HNRNPA1L2: variants seen among roughly 807,000 people sequenced by gnomAD.
The protein encoded by HNRNPA1L2 is heterogeneous nuclear ribonucleoprotein A1-like 2.
A neutral mutation model predicts 18.2 loss-of-function variants in HNRNPA1L2; 10 were observed. That is an observed-to-expected ratio of 0.55 (90% CI 0.34 to 0.93). The LOEUF (loss-of-function observed/expected upper bound fraction) is 0.93. Among genes scored for constraint, HNRNPA1L2 ranks in the 40% least tolerant of loss-of-function variants. The pLI is 0.02. For missense variants in HNRNPA1L2, 308 were observed against 394.4 expected (o/e 0.78, Z 1.85); for synonymous variants, 124 against 138.6 (o/e 0.89, Z 0.74).
the HNRNPA1L2 span, among the ~76,000 whole-genome samples, chr13:52,634,495 C>G: frequency 1.3e-5 from 2 of 152,168 alleles, no homozygotes; most frequent in African/African-American, 2.4e-5. Context: ...GCTATACTTG[C>G]ATGAGTCTAA....
the HNRNPA1L2 span, among the ~76,000 whole-genome samples, chr13:52,630,816 T>A: frequency 1.3e-5 from 2 of 152,210 alleles, no homozygotes; most frequent in Admixed American, 1.3e-4. Context: ...TGTTACATAT[T>A]ATTGAATAAA....
chr13:52,630,483 C>T, the HNRNPA1L2 span, among the ~76,000 whole-genome samples: 1 of 152,256 alleles, frequency 6.6e-6, no homozygotes, highest in East Asian at 1.9e-4. Flanking sequence ...CCATGTTGGC[C>T]AGGCTGGTAA....
At chr13:52,635,575 AACACACACACACACACACAC>A in the HNRNPA1L2 span, among the ~76,000 whole-genome samples, 539 of 143,148 alleles carry the variant, frequency 3.8e-3, 4 homozygotes, top group African/African-American at 7.7e-3. Flanking sequence ...GTCCTTTTGC[AACACACACACACACACACAC>A]ACACACACAC....
chr13:52,639,886 T>TG (rs1555269247), upstream of HNRNPA1L2, among the ~76,000 whole-genome samples: 4 of 113,254 alleles, frequency 3.5e-5, no homozygotes, highest in East Asian at 2.1e-4. Flanking sequence ...GTTTTTTTTT[T>TG]TTTTTTTTTG....
the HNRNPA1L2 span, chr13:52,627,608 T>A: frequency 6.6e-6 from 1 of 152,662 alleles, no homozygotes. Context: ...AGGTTAGTAA[T>A]GTTTATATCT....
chr13:52,639,103 A>G (rs1961558410), upstream of HNRNPA1L2, among the ~76,000 whole-genome samples: 1 of 152,204 alleles, frequency 6.6e-6, no homozygotes, highest in Non-Finnish European at 1.5e-5. Context: ...GGTTTGACTT[A>G]GAATTTTTTG....
Position 52,642,954 on chromosome 13 carries a change from C to T in HNRNPA1L2, c.462C>T (p.Asp154=), listed in dbSNP as rs191397453. Residue 154 remains aspartate (D), a synonymous_variant, in exon 1 of 1, where the codon GAC becomes GAT. Coordinates refer to ENST00000357495, the MANE Select transcript of HNRNPA1L2 (RefSeq NM_001389320.1). ...GGGGCTTTGCCTTTGTAACCTTTGA[C>T]GACCATGACTCCGTGGATAAGATTG... is the stretch of plus-strand genomic sequence containing the variant. The part of the protein sequence containing the change: ...KKRGFAFVTF[D]DHDSVDKIVI... The T allele has an allele frequency of 7.3e-5, 116 of 1,597,058 alleles. No individual in the cohort carries two copies. The highest frequency in any genetic ancestry group is 4.4e-4 in the Middle Eastern group (2 of 4,536).
upstream of HNRNPA1L2, among the ~76,000 whole-genome samples, chr13:52,640,457 A>G (rs899065947): frequency 6.6e-6 from 1 of 152,250 alleles, no homozygotes; most frequent in Non-Finnish European, 1.5e-5. Flanking sequence ...TAATATAGAC[A>G]TTCAAGTTAG....
chr13:52,620,097 A>G, the HNRNPA1L2 span, among the ~76,000 whole-genome samples: 1 of 152,108 alleles, frequency 6.6e-6, no homozygotes. Context: ...AGCAGATCAG[A>G]TAGTTTCAGC....
chr13:52,630,117 G>C, the HNRNPA1L2 span, among the ~76,000 whole-genome samples: 1 of 152,098 alleles, frequency 6.6e-6, no homozygotes, highest in African/African-American at 2.4e-5. Context: ...CTTAAAGATG[G>C]TGAGCCATGT....
At chr13:52,640,493 C>T (rs1961623478), upstream of HNRNPA1L2, among the ~76,000 whole-genome samples, 1 of 152,188 alleles carries the variant, frequency 6.6e-6, no homozygotes, top group Non-Finnish European at 1.5e-5. Flanking sequence ...TCTTAATGTA[C>T]ACTTGGAAGT....
At position 52,643,619 on chromosome 13, in the gene HNRNPA1L2, G is replaced by A. The variant is rs1477899450; in HGVS notation, c.*164G>A. 1.7e-5 allele frequency: 11 copies of A among 637,052 alleles called. No individual in the cohort carries two copies. The highest frequency in any genetic ancestry group is 3.6e-5 in the African/African-American group (2 of 55,006). The allele number at this position is 637,052 out of a possible 1,614,324, so 39.5% of individuals were successfully genotyped here. A position where few individuals can be genotyped will look rare whatever the true frequency, so the allele number is the denominator to read the frequency against. On this transcript the variant is annotated 3_prime_UTR_variant, in exon 1 of 1. Coordinates refer to ENST00000357495, the MANE Select transcript of HNRNPA1L2 (RefSeq NM_001389320.1). ...ACTCATGTGTATGGGCAAAAAACTCGAGGACTGTATTTGTGACTAATTGTA... is the reference window on the plus strand; with the variant it reads ...ACTCATGTGTATGGGCAAAAAACTCAAGGACTGTATTTGTGACTAATTGTA...
At chr13:52,626,426 T>TAAAA in the HNRNPA1L2 span, among the ~76,000 whole-genome samples, 6 of 130,830 alleles carry the variant, frequency 4.6e-5, no homozygotes, top group African/African-American at 1.7e-4. Flanking sequence ...TCCCATCTCT[T>TAAAA]AAAAAAAAAA....
At chr13:52,622,568 C>T in the HNRNPA1L2 span, among the ~76,000 whole-genome samples, 5 of 152,168 alleles carry the variant, frequency 3.3e-5, no homozygotes, top group African/African-American at 9.7e-5. Context: ...ACTTAACTGC[C>T]TCTTTAAGCT....
chr13:52,638,177 A>C (rs1366602047), upstream of HNRNPA1L2, among the ~76,000 whole-genome samples: 3 of 152,208 alleles, frequency 2.0e-5, no homozygotes, highest in Non-Finnish European at 4.4e-5. Context: ...TTAATAGGAA[A>C]GTATAAGCTT....
At chr13:52,637,271 G>T in the HNRNPA1L2 span, 3 of 181,002 alleles carry the variant, frequency 1.7e-5, no homozygotes, top group South Asian at 3.8e-4. Context: ...TATTTACATT[G>T]ACTTGTTCTT....
At chr13:52,620,918 AAGC>A in the HNRNPA1L2 span, among the ~76,000 whole-genome samples, 2 of 152,106 alleles carry the variant, frequency 1.3e-5, no homozygotes, top group African/African-American at 4.8e-5. Context: ...AAAGTGTGAG[AAGC>A]AGTGCTGTAG....
At chr13:52,638,613 CA>C (rs933050180), upstream of HNRNPA1L2, among the ~76,000 whole-genome samples, 2 of 152,148 alleles carry the variant, frequency 1.3e-5, no homozygotes, top group African/African-American at 4.8e-5. Context: ...ATACAGATAA[CA>C]AAACCCTCTT....
At chr13:52,629,175 T>C in the HNRNPA1L2 span, 2 of 154,258 alleles carry the variant, frequency 1.3e-5, no homozygotes, top group African/African-American at 4.8e-5. Context: ...CGATCCTGGC[T>C]GTAGCTGAGA....
Sources: allele counts gnomAD v4.1 joint callset (sites outside exome capture counted in the v4.1 genomes callset), GRCh38; gene constraint gnomAD v4.1.1; transcripts MANE v1.5; gene names NCBI Gene and HGNC (gene_info 2026-07-23, HGNC 2026-07-21).